The following U2AF2 variants were observed in gnomAD, a reference collection of about 807,000 sequenced individuals.
The protein encoded by U2AF2 is U2 small nuclear RNA auxiliary factor 2.
In U2AF2, 6 loss-of-function variants were observed where a neutral mutation model predicts 52.6. That is an observed-to-expected ratio of 0.11 (90% CI 0.06 to 0.23). U2AF2 has a LOEUF of 0.23. Ranked by LOEUF, U2AF2 falls within the 10% of genes least tolerant of loss-of-function variation. The pLI is 1.00. For missense variants in U2AF2, 222 were observed against 677.1 expected, an observed-to-expected ratio of 0.33 and a Z score of 7.46; for synonymous variants, 284 against 258.2, an observed-to-expected ratio of 1.10 and a Z score of -0.96.
chr19:55,662,470 GC>G (rs371255874), intron 5 of U2AF2, 31 bp from the exon 6 acceptor site: 7,150 of 248,370 alleles, frequency 0.029, 76 homozygotes, highest in African/African-American at 0.072. Flanking sequence ...CCCTTCCCCC[GC>G]CCCCCCCCTT....
At chr19:55,655,188 G>T in intron 1 of U2AF2, 35 bp downstream of exon 1, 1 of 1,588,916 alleles carries the variant, frequency 6.3e-7, no homozygotes, top group Non-Finnish European at 8.6e-7. Context: ...GGAGGTGTGG[G>T]CGGCTCCTCG....
intron 5 of U2AF2, 118 bp downstream of exon 5, chr19:55,661,307 G>A: frequency 8.6e-7 from 1 of 1,161,998 alleles, no homozygotes; most frequent in Non-Finnish European, 1.1e-6. Context: ...AAGACCCCCC[G>A]GCCCCCTCCC....
chr19:55,663,954 C>T (rs1164059042), intron 7 of U2AF2: 3 of 638,334 alleles, frequency 4.7e-6, no homozygotes, highest in Non-Finnish European at 7.8e-6. Context: ...GAGCTGTCAC[C>T]TGCTGAGGAC....
Position 55,662,630 on chromosome 19 carries a change from G to C in U2AF2, c.603+12G>C. 1.9e-6 allele frequency: 3 copies of C among 1,609,850 alleles called. No individual in the cohort carries two copies. The highest frequency in any genetic ancestry group is 2.5e-6 in the Non-Finnish European group (3 of 1,176,680). ...TTGCCTTTTTGGAGGTGAGCTGGGG[G>C]AGTGAGTGAGGTCCAGGAAACGTGT... On this transcript the variant is annotated intron_variant, in intron 6 of 11. Transcript: ENST00000308924.
chr19:55,669,237 A>G, intron 10 of U2AF2, 56 bp downstream of exon 10: 2 of 1,595,854 alleles, frequency 1.3e-6, no homozygotes, highest in Non-Finnish European at 1.7e-6. Context: ...GCTGGCTAGT[A>G]GGGGACAAGT....
rs1984656224 is a variant in U2AF2, at chr19:55,668,022, T to C, written c.743-485T>C. 6.6e-6 allele frequency among the ~76,000 whole-genome samples: 1 copy of C among 152,136 alleles called. No homozygotes were observed. Among genetic ancestry groups the C allele is most frequent in the Non-Finnish European group, 1.5e-5 (1 of 68,024 alleles). On this transcript the variant is annotated intron_variant, in intron 7 of 11. Transcript: ENST00000308924. This position sits in a 1 kb window ranked among gnomAD's most constrained non-coding sequence, Gnocchi z 5.5. Reference sequence around the variant, plus strand: ...ATGGTCTTATCTCTTGACCTTGTGATCTGCCCGCCTTGGCCTCCCAAAGTG... The same window carrying C: ...ATGGTCTTATCTCTTGACCTTGTGACCTGCCCGCCTTGGCCTCCCAAAGTG...
intron 1 of U2AF2, among the ~76,000 whole-genome samples, chr19:55,656,518 T>G (rs1462824192): frequency 1.3e-5 from 2 of 152,236 alleles, no homozygotes; most frequent in African/African-American, 2.4e-5. Context: ...TGTAGACTGA[T>G]TATTATTTTC....
At position 55,668,869 on chromosome 19, in the gene U2AF2, C is replaced by T; in HGVS notation, c.945+77C>T. ...CTGTTGCCAAGCCATGGTCTCCCCT[C>T]CTCAGGGGACGGGGCGGGAGGCGGC... On this transcript the variant is annotated intron_variant, in intron 9 of 11. Coordinates refer to ENST00000308924, the MANE Select transcript of U2AF2 (RefSeq NM_007279.3). The surrounding 1 kb of genome is among the most constrained non-coding windows in gnomAD (Gnocchi z 5.5). 6.4e-7 allele frequency: 1 copy of T among 1,559,882 alleles called. No homozygotes were observed. The highest frequency in any genetic ancestry group is 2.3e-5 in the East Asian group (1 of 44,172).
At chr19:55,655,354 C>T (rs1444191365) in intron 1 of U2AF2, among the ~76,000 whole-genome samples, 1 of 152,132 alleles carries the variant, frequency 6.6e-6, no homozygotes, top group Non-Finnish European at 1.5e-5. Flanking sequence ...GGCGGCGGGG[C>T]GCGGGCCCGT....
Position 55,662,768 on chromosome 19 carries a change from T to C in U2AF2, c.603+150T>C, listed in dbSNP as rs73062543. 6.5e-4 allele frequency: 442 copies of C among 676,382 alleles called. 3 individuals are homozygous for C. In the African/African-American group the frequency reaches 6.7e-3, roughly 10 times the overall value. The allele number at this position is 676,382 out of a possible 1,614,324, so 41.9% of individuals were successfully genotyped here. On this transcript the variant is annotated intron_variant, in intron 6 of 11. Coordinates refer to ENST00000308924, the MANE Select transcript of U2AF2 (RefSeq NM_007279.3). ...CCGGTCGCTGAAGTGAGCCCTGTTA[T>C]AGCATTACAGATCTGATCCTACTTT...
chr19:55,668,480 T>C lies in U2AF2; in HGVS notation c.743-27T>C, dbSNP rs1349514810. The stretch of plus-strand genomic sequence containing the variant: ...TTGGGAGATAACCTGGTACTGGAAT[T>C]GAAGTCCTCCTCTTCTCTACCCATA... On this transcript the variant is annotated intron_variant, in intron 7 of 11. Transcript: ENST00000308924. The surrounding 1 kb of genome is among the most constrained non-coding windows in gnomAD (Gnocchi z 5.5). 5 of 1,549,730 alleles carry C rather than the reference T, an allele frequency of 3.2e-6. No homozygotes were observed. The Admixed American group carries it at 5.8e-5, about 18-fold the overall frequency.
Position 55,669,617 on chromosome 19 carries a change from C to T in U2AF2, c.1218C>T (p.Cys406=). Residue 406 remains cysteine, a synonymous_variant, in exon 11 of 12, where the codon TGC becomes TGT. Coordinates refer to ENST00000308924, the MANE Select transcript of U2AF2 (RefSeq NM_007279.3). ...EEIVEDVRDE[C]SKYGLVKSIE... ...TCGTGGAGGACGTGCGGGACGAGTG[C>T]AGCAAGTACGGGCTTGTCAAGTCCA... The T allele has an allele frequency of 6.2e-7, 1 of 1,613,560 alleles. No individual in the cohort carries two copies. The highest frequency in any genetic ancestry group is 2.2e-5 in the East Asian group (1 of 44,866).
At position 55,668,969 on chromosome 19, in the gene U2AF2, C is replaced by T. The variant is rs532753782; in HGVS notation, c.946-114C>T. The T allele has an allele frequency of 2.0e-6, 3 of 1,484,020 alleles. No individual in the cohort carries two copies. The highest frequency in any genetic ancestry group is 2.7e-6 in the Non-Finnish European group (3 of 1,098,528). The allele number at this position is 1,484,020 out of a possible 1,614,324, so 91.9% of individuals were successfully genotyped here. ...TGGCTTTTTCCAGGCTCTTAATCCCCTTTGCCTTCCCCTCTTCCCCCACCA... is the reference window on the plus strand; with the variant it reads ...TGGCTTTTTCCAGGCTCTTAATCCCTTTTGCCTTCCCCTCTTCCCCCACCA... On this transcript the variant is annotated intron_variant, in intron 9 of 11. Transcript: ENST00000308924. This position sits in a 1 kb window ranked among gnomAD's most constrained non-coding sequence, Gnocchi z 5.5.
At chr19:55,657,405 C>T (rs1033122888) in intron 1 of U2AF2, among the ~76,000 whole-genome samples, 2 of 152,222 alleles carry the variant, frequency 1.3e-5, no homozygotes, top group African/African-American at 4.8e-5. Flanking sequence ...GTGTCGCCTT[C>T]TGCTTCAGTC....
rs1316024969 is a variant in U2AF2 at position 55,674,136 on chromosome 19, C to G, written c.*68C>G. ...CTCCCCACTCCCGCCCCCCCCTTAT[C>G]CCCCTCTGAAGACGATGGGCAGAGG... On this transcript the variant is annotated 3_prime_UTR_variant, in exon 12 of 12. Transcript: ENST00000308924. 4.0e-6 allele frequency: 6 copies of G among 1,491,506 alleles called. No individual in the cohort carries two copies. Among genetic ancestry groups the G allele is most frequent in the South Asian group, 1.3e-5 (1 of 76,286 alleles). 92.4% of individuals were successfully genotyped at this position (1,491,506 alleles called of 1,614,324 possible). A position where few individuals can be genotyped will look rare whatever the true frequency, so the allele number is the denominator to read the frequency against.
At position 55,660,162 on chromosome 19, in the gene U2AF2, C is replaced by T. The variant is rs537881989; in HGVS notation, c.186-15C>T. 4.1e-5 allele frequency: 65 copies of T among 1,596,790 alleles called. No individual in the cohort carries two copies. In the South Asian group the frequency reaches 4.8e-4, roughly 12 times the overall value. The stretch of plus-strand genomic sequence containing the variant: ...CCAGTCACCCCTCCCCATACCTTTC[C>T]CTCCCACCCCCCAGCAAACCTTTGA... On this transcript the variant is annotated splice_polypyrimidine_tract_variant and intron_variant, in intron 2 of 11. Coordinates refer to ENST00000308924, the MANE Select transcript of U2AF2 (RefSeq NM_007279.3).
Position 55,662,626 on chromosome 19 carries a change from G to A in U2AF2, c.603+8G>A. 1 of 1,611,474 alleles carries A rather than the reference G, an allele frequency of 6.2e-7. No individual in the cohort carries two copies. Among genetic ancestry groups the A allele is most frequent in the African/African-American group, 1.3e-5 (1 of 74,900 alleles). On this transcript the variant is annotated splice_region_variant and intron_variant, in intron 6 of 11. Transcript: ENST00000308924. ...AATTTTGCCTTTTTGGAGGTGAGCT[G>A]GGGGAGTGAGTGAGGTCCAGGAAAC...
intron 1 of U2AF2, among the ~76,000 whole-genome samples, chr19:55,656,537 G>A (rs1447101101): frequency 6.6e-6 from 1 of 152,132 alleles, no homozygotes; most frequent in Admixed American, 6.6e-5. Context: ...TCTTGTTACC[G>A]GATTTTGAGA....
At position 55,663,692 on chromosome 19, in the gene U2AF2, C is replaced by T. The variant is rs763907375; in HGVS notation, c.690C>T (p.His230=). 1.5e-5 allele frequency: 25 copies of T among 1,614,006 alleles called. No homozygotes were observed. The highest frequency in any genetic ancestry group is 1.5e-4 in the South Asian group (14 of 91,090). The change falls in exon 7 of 12, where the codon CAC becomes CAT. Residue 230 remains histidine (H), a synonymous_variant. Transcript: ENST00000308924. ...QGQSLKIRRP[H]DYQPLPGMSE... ...AGTCACTAAAGATCCGCAGGCCTCA[C>T]GACTACCAGCCGCTTCCTGGCATGT... is the stretch of plus-strand genomic sequence containing the variant.
Sources: allele counts gnomAD v4.1 joint callset (sites outside exome capture counted in the v4.1 genomes callset), GRCh38; gene constraint gnomAD v4.1.1; non-coding constraint Gnocchi (gnomAD v3.1); transcripts MANE v1.5; gene names NCBI Gene and HGNC (gene_info 2026-07-23, HGNC 2026-07-21).